Variants in CADM2 observed in about 807,000 individuals in gnomAD.
CADM2 encodes the protein immunoglobulin superfamily member 4D.
CADM2 carries 12 observed loss-of-function variants against 49.8 expected under a neutral mutation model. The ratio of observed to expected loss-of-function variants is 0.24; its 90% CI spans 0.15 to 0.39. The LOEUF (loss-of-function observed/expected upper bound fraction) is 0.39. Ranked by LOEUF, CADM2 falls within the 10% of genes least tolerant of loss-of-function variation. The pLI is 1.00. For synonymous variants in CADM2, 214 were observed against 175.4 expected, an observed-to-expected ratio of 1.22 and a Z score of -1.74; for missense variants, 378 against 492.3, an observed-to-expected ratio of 0.77 and a Z score of 2.20.
chr3:85,805,126 TG>T (rs2072324733), intron 3 of CADM2, among the ~76,000 whole-genome samples: 1 of 152,086 alleles, frequency 6.6e-6, no homozygotes, highest in African/African-American at 2.4e-5. Flanking sequence ...GTATTTTTTG[TG>T]TAGACTGGGT....
At chr3:85,328,900 CA>C (rs11459054) in intron 1 of CADM2, among the ~76,000 whole-genome samples, 3,345 of 137,216 alleles carry the variant, frequency 0.024, 53 homozygotes, top group Middle Eastern at 0.055. Flanking sequence ...TGTCTTCCCT[CA>C]AAAAAAAAAA....
intron 8 of CADM2, among the ~76,000 whole-genome samples, chr3:86,049,014 A>C: frequency 6.6e-6 from 1 of 152,140 alleles, no homozygotes; most frequent in East Asian, 1.9e-4. Context: ...TTTCTTTAGT[A>C]AAGAATTGTT....
chr3:85,990,371 C>T (rs1218511915), intron 8 of CADM2, among the ~76,000 whole-genome samples: 1 of 152,122 alleles, frequency 6.6e-6, no homozygotes, highest in African/African-American at 2.4e-5. Flanking sequence ...CTAGGCTAAA[C>T]TGTAATGTTC....
intron 1 of CADM2, among the ~76,000 whole-genome samples, chr3:85,376,232 TGAGTTTTAACATA>T (rs1258088789): frequency 6.6e-6 from 1 of 152,108 alleles, no homozygotes; most frequent in Non-Finnish European, 1.5e-5. Context: ...AAACTGCACT[TGAGTTTTAACATA>T]ACATTACTAA....
chr3:85,714,784 C>T lies in CADM2; in HGVS notation c.62-11738C>T, dbSNP rs567254262. Among the ~76,000 whole-genome samples the T allele has an allele frequency of 4.5e-4, 69 of 152,100 alleles. 1 individual carries two copies. Among genetic ancestry groups the T allele is most frequent in the African/African-American group, 1.6e-3 (67 of 41,496 alleles). ...CTGCTTCTTTTCCCACCTCCTTTTA[C>T]TCCCCTCGTTAAGATGATGCTATAA... On this transcript the variant is annotated intron_variant, in intron 1 of 9. Transcript: ENST00000383699.
intron 8 of CADM2, among the ~76,000 whole-genome samples, chr3:85,998,535 G>A (rs373456525): frequency 9.9e-5 from 15 of 152,116 alleles, no homozygotes; most frequent in African/African-American, 2.2e-4. Context: ...GTAAGCAGTC[G>A]TGAAAATAAA....
chr3:85,104,505 A>G (rs1300720387), intron 1 of CADM2, among the ~76,000 whole-genome samples: 3 of 152,146 alleles, frequency 2.0e-5, no homozygotes, highest in Non-Finnish European at 4.4e-5. Flanking sequence ...AGGTAGTGTG[A>G]TGCCTCCAGC....
chr3:85,409,804 G>A (rs2035574556), intron 1 of CADM2, among the ~76,000 whole-genome samples: 1 of 151,960 alleles, frequency 6.6e-6, no homozygotes. Context: ...TGTGAAAGAT[G>A]TAAGTATAGC....
chr3:86,047,129 G>C (rs1360959336), intron 8 of CADM2, among the ~76,000 whole-genome samples: 1 of 151,936 alleles, frequency 6.6e-6, no homozygotes, highest in African/African-American at 2.4e-5. Flanking sequence ...CACGATTGTC[G>C]TTTAGTAAAA....
chr3:85,429,711 G>A (rs1018867012), intron 1 of CADM2, among the ~76,000 whole-genome samples: 7 of 152,066 alleles, frequency 4.6e-5, no homozygotes, highest in Non-Finnish European at 1.0e-4. Context: ...TAGTAAAATG[G>A]AGGAGGTTGG....
intron 3 of CADM2, among the ~76,000 whole-genome samples, chr3:85,812,376 A>G (rs1354565870): frequency 1.3e-5 from 2 of 152,038 alleles, no homozygotes; most frequent in Non-Finnish European, 1.5e-5. Flanking sequence ...TGAACTATGT[A>G]CCATTTGTCA....
intron 2 of CADM2, among the ~76,000 whole-genome samples, chr3:85,795,899 G>C: frequency 6.6e-6 from 1 of 152,112 alleles, no homozygotes; most frequent in Non-Finnish European, 1.5e-5. Flanking sequence ...TGAACTTTCA[G>C]AACAAACTCC....
chr3:85,874,231 G>A (rs1471921079), intron 3 of CADM2, among the ~76,000 whole-genome samples: 1 of 152,120 alleles, frequency 6.6e-6, no homozygotes, highest in Non-Finnish European at 1.5e-5. Flanking sequence ...GCTGTAGAAG[G>A]TACAACTTCG....
In CADM2 at chr3:85,883,346, T is replaced by C. The variant is rs948770461; in HGVS notation, c.294T>C (p.Ile98=). ...LVRASWHELS[I]SVSDVSLSDE... ...GCGCTTCCTGGCATGAATTGAGTAT[T>C]AGTGTCAGTGATGTGTCTCTCTCTG... Residue 98 remains isoleucine (I), a synonymous_variant, in exon 4 of 10, where the codon ATT becomes ATC. Coordinates refer to ENST00000383699, the MANE Select transcript of CADM2 (RefSeq NM_001167675.2). 2 of 1,613,870 alleles carry C rather than the reference T, an allele frequency of 1.2e-6. No individual in the cohort carries two copies. The highest frequency in any genetic ancestry group is 1.7e-5 in the Admixed American group (1 of 60,008).
intron 5 of CADM2, among the ~76,000 whole-genome samples, chr3:85,891,369 T>C (rs1337532763): frequency 6.6e-6 from 1 of 152,222 alleles, no homozygotes; most frequent in African/African-American, 2.4e-5. Flanking sequence ...CTAACTAGCT[T>C]TTACATTAAT....
chr3:85,973,594 T>A (rs1726420812), intron 8 of CADM2, among the ~76,000 whole-genome samples: 1 of 151,800 alleles, frequency 6.6e-6, no homozygotes, highest in Admixed American at 6.6e-5. Flanking sequence ...TGAGTTATAA[T>A]CAGTGTACTG....
At chr3:86,055,936 G>T (rs777962845) in intron 8 of CADM2, among the ~76,000 whole-genome samples, 4 of 152,166 alleles carry the variant, frequency 2.6e-5, no homozygotes. Context: ...AGCTTAAAAA[G>T]AGACTACTAT....
At chr3:85,134,609 AG>A (rs2039358354) in intron 1 of CADM2, among the ~76,000 whole-genome samples, 1 of 152,236 alleles carries the variant, frequency 6.6e-6, no homozygotes, top group African/African-American at 2.4e-5. Context: ...GAAATTAAAA[AG>A]AACCTTTAGT....
chr3:85,361,884 C>T (rs1458493061), intron 1 of CADM2, among the ~76,000 whole-genome samples: 2 of 152,144 alleles, frequency 1.3e-5, no homozygotes, highest in Non-Finnish European at 2.9e-5. Context: ...GGATAGATGG[C>T]CATCTCGACC....
Sources: gnomAD v4.1 joint callset for allele counts (sites outside exome capture counted in the v4.1 genomes callset) on GRCh38, gnomAD v4.1.1 for gene constraint, MANE v1.5 for transcripts, NCBI Gene and HGNC (gene_info 2026-07-23, HGNC 2026-07-21) for gene names.